Variants in GASK1B observed in about 807,000 individuals in gnomAD.
GASK1B encodes the protein Golgi-associated kinase 1B.
A neutral mutation model predicts 42.8 loss-of-function variants in GASK1B; 34 were observed. The observed-to-expected ratio is 0.79, with a 90% confidence interval of 0.60 to 1.06. GASK1B has a LOEUF of 1.06. Ranked by LOEUF, GASK1B falls within the 50% of genes least tolerant of loss-of-function variation. The probability of loss-of-function intolerance (pLI) is 0.00; values close to 1 mark genes in which losing one functional copy is unlikely to be tolerated. For synonymous variants in GASK1B, 262 were observed against 259.1 expected (o/e 1.01, Z -0.11); for missense variants, 686 against 661.0 (o/e 1.04, Z -0.42).
At chr4:158,166,304 C>A (rs559153082) in intron 2 of GASK1B, among the ~76,000 whole-genome samples, 2 of 152,220 alleles carry the variant, frequency 1.3e-5, no homozygotes, top group African/African-American at 4.8e-5. Flanking sequence ...CAATCAAGAT[C>A]TTGTCCCAGA....
chr4:158,141,648 A>C (rs1183544298), intron 3 of GASK1B, among the ~76,000 whole-genome samples: 1 of 126,072 alleles, frequency 7.9e-6, no homozygotes, highest in Non-Finnish European at 1.6e-5. Context: ...GCTCTGTCGC[A>C]CAGGCTGGAG....
intron 4 of GASK1B, among the ~76,000 whole-genome samples, chr4:158,128,431 C>A (rs904726590): frequency 6.6e-6 from 1 of 152,118 alleles, no homozygotes; most frequent in African/African-American, 2.4e-5. Context: ...AAGGACTTAG[C>A]AAAATTTCTA....
chr4:158,157,466 G>A (rs1029321250), intron 2 of GASK1B, among the ~76,000 whole-genome samples: 1 of 151,982 alleles, frequency 6.6e-6, no homozygotes, highest in African/African-American at 2.4e-5. Flanking sequence ...TAAATTCCAG[G>A]TAAAAGCAAT....
At position 158,125,284 on chromosome 4, in the gene GASK1B, T is replaced by A. The variant is rs1730407718; in HGVS notation, c.*2123A>T. Reference sequence around the variant, plus strand: ...AATAACTGGAGGCAAATAAACAAAGTTAAACCCTCACGTGGGAAGACCAGG... The same window carrying A: ...AATAACTGGAGGCAAATAAACAAAGATAAACCCTCACGTGGGAAGACCAGG... On this transcript the variant is annotated 3_prime_UTR_variant, in exon 5 of 5. Coordinates refer to ENST00000585682, the MANE Select transcript of GASK1B (RefSeq NM_001128424.2). 1 of 152,152 alleles carries A rather than the reference T, an allele frequency of 6.6e-6. No homozygotes were observed. Among genetic ancestry groups the A allele is most frequent in the African/African-American group, 2.4e-5 (1 of 41,456 alleles). 9.4% of individuals were successfully genotyped at this position (152,152 alleles called of 1,614,324 possible). A position where few individuals can be genotyped will look rare whatever the true frequency, so the allele number is the denominator to read the frequency against.
chr4:158,149,077 A>G (rs537779132), intron 3 of GASK1B, among the ~76,000 whole-genome samples: 1 of 152,240 alleles, frequency 6.6e-6, no homozygotes, highest in Non-Finnish European at 1.5e-5. Context: ...AACAGTACCA[A>G]TCTTATATTC....
chr4:158,153,686 C>A (rs1017054499), intron 3 of GASK1B, among the ~76,000 whole-genome samples: 1 of 151,974 alleles, frequency 6.6e-6, no homozygotes, highest in African/African-American at 2.4e-5. Flanking sequence ...GAATAGAGGA[C>A]CCAGAAATAA....
intron 3 of GASK1B, among the ~76,000 whole-genome samples, chr4:158,143,315 A>C (rs930750233): frequency 5.9e-5 from 9 of 152,152 alleles, no homozygotes; most frequent in African/African-American, 2.2e-4. Context: ...CATATGTTTA[A>C]TTTTCCATAA....
chr4:158,139,122 A>C (rs2110948702), intron 3 of GASK1B, among the ~76,000 whole-genome samples: 1 of 152,314 alleles, frequency 6.6e-6, no homozygotes, highest in Non-Finnish European at 1.5e-5. Flanking sequence ...AACCTGCCTA[A>C]GGAGATAAAA....
intron 4 of GASK1B, among the ~76,000 whole-genome samples, chr4:158,128,354 T>C (rs1730541434): frequency 6.6e-6 from 1 of 152,130 alleles, no homozygotes; most frequent in African/African-American, 2.4e-5. Context: ...TGAATTACCT[T>C]AAAAGAATGC....
chr4:158,147,638 T>A lies in GASK1B; in HGVS notation c.1125+7973A>T, dbSNP rs568244762. On this transcript the variant is annotated intron_variant, in intron 3 of 4. Transcript: ENST00000585682. ...AAAAAAAAAAAAATTAAATTTAAAT[T>A]AAAAAAAAACTTGTATGATGGTGAA... Among the ~76,000 whole-genome samples, 638 of 149,768 alleles carry A rather than the reference T, an allele frequency of 4.3e-3. 4 individuals carry two copies. The highest frequency in any genetic ancestry group is 0.015 in the African/African-American group (609 of 40,812).
At chr4:158,172,553 A>T (rs1016981728) in intron 1 of GASK1B, 1 of 152,250 alleles carries the variant, frequency 6.6e-6, no homozygotes, top group Non-Finnish European at 1.5e-5. Context: ...AAGAGATACA[A>T]AGCTTTTAAA....
intron 3 of GASK1B, among the ~76,000 whole-genome samples, chr4:158,136,393 T>G (rs1730892949): frequency 6.6e-6 from 1 of 152,098 alleles, no homozygotes; most frequent in East Asian, 1.9e-4. Context: ...CTAAAAATTT[T>G]TTATGTGTCT....
chr4:158,172,617 G>A (rs954634011), intron 1 of GASK1B: 3 of 152,208 alleles, frequency 2.0e-5, no homozygotes, highest in African/African-American at 4.8e-5. Flanking sequence ...AAGAAATGCC[G>A]TAGAGAATCA....
At position 158,130,521 on chromosome 4, in the gene GASK1B, A is replaced by G. The variant is rs149733656; in HGVS notation, c.1352+265T>C. Among the ~76,000 whole-genome samples the G allele has an allele frequency of 3.1e-3, 476 of 152,302 alleles. 1 individual carries two copies. The highest frequency in any genetic ancestry group is 0.011 in the African/African-American group (463 of 41,578). On this transcript the variant is annotated intron_variant, in intron 4 of 4. Transcript: ENST00000585682. ...TCCAACAAAACCCACATGGATTTTC[A>G]CAATGAGAACCAAGCAACATCATGA...
chr4:158,165,074 ATAAAACAGCATCC>A (rs1732174153), intron 2 of GASK1B, among the ~76,000 whole-genome samples: 1 of 152,196 alleles, frequency 6.6e-6, no homozygotes, highest in Admixed American at 6.5e-5. Context: ...CTTTGTGGCA[ATAAAACAGCATCC>A]TAAAAATAAA....
chr4:158,162,312 C>T (rs560300549), intron 2 of GASK1B, among the ~76,000 whole-genome samples: 1 of 152,278 alleles, frequency 6.6e-6, no homozygotes, highest in Admixed American at 6.5e-5. Context: ...TCCTGTCTTC[C>T]AAGCTGAGAG....
intron 3 of GASK1B, among the ~76,000 whole-genome samples, chr4:158,136,207 T>A (rs1192633470): frequency 6.6e-6 from 1 of 151,846 alleles, no homozygotes; most frequent in Admixed American, 6.6e-5. Flanking sequence ...TTAGGGCAGG[T>A]AGTCAGATAG....
In GASK1B at chr4:158,127,033, G is replaced by A. The variant is rs908072418; in HGVS notation, c.*374C>T. On this transcript the variant is annotated 3_prime_UTR_variant, in exon 5 of 5. Transcript: ENST00000585682. ...AGTATTTGGTCAGAACAGTCAAAACGGCACAAAATATGGTTTATTAATGGA... is the reference window on the plus strand; with the variant it reads ...AGTATTTGGTCAGAACAGTCAAAACAGCACAAAATATGGTTTATTAATGGA... 8 of 179,494 alleles carry A rather than the reference G, an allele frequency of 4.5e-5. No homozygotes were observed. The East Asian group carries it at 9.7e-4, about 22-fold the overall frequency. 11.1% of individuals were successfully genotyped at this position (179,494 alleles called of 1,614,324 possible).
At chr4:158,169,836 A>G (rs1045703681) in intron 2 of GASK1B, 3 of 174,718 alleles carry the variant, frequency 1.7e-5, no homozygotes, top group Admixed American at 5.5e-5. Flanking sequence ...ATCTTGAAAG[A>G]CAGACTCAAT....
Sources: gnomAD v4.1 joint callset for allele counts (sites outside exome capture counted in the v4.1 genomes callset) on GRCh38, gnomAD v4.1.1 for gene constraint, MANE v1.5 for transcripts, NCBI Gene and HGNC (gene_info 2026-07-23, HGNC 2026-07-21) for gene names.